GPR158: variants seen among roughly 807,000 people sequenced by gnomAD.
The protein encoded by GPR158 is G protein-coupled receptor 158.
Under a neutral mutation model 78.2 loss-of-function variants are expected in GPR158, and 30 were observed. That is an observed-to-expected ratio of 0.38 (90% CI 0.29 to 0.52). GPR158 has a LOEUF of 0.52. Ranked by LOEUF, GPR158 falls within the 20% of genes least tolerant of loss-of-function variation. GPR158 has a pLI of 0.83. For synonymous variants in GPR158, 581 were observed against 591.1 expected (o/e 0.98, Z 0.25); for missense variants, 1,463 against 1,523.5 (o/e 0.96, Z 0.66).
At chr10:25,368,670 T>C (rs886936068) in intron 2 of GPR158, among the ~76,000 whole-genome samples, 12 of 151,862 alleles carry the variant, frequency 7.9e-5, no homozygotes, top group African/African-American at 2.7e-4. Flanking sequence ...TGGAAAGCAG[T>C]GTGGTGATTC....
intron 2 of GPR158, among the ~76,000 whole-genome samples, chr10:25,387,441 G>A (rs1258265258): frequency 6.6e-6 from 1 of 151,896 alleles, no homozygotes; most frequent in Non-Finnish European, 1.5e-5. Flanking sequence ...TTTTCCAAGA[G>A]TATACTTATC....
intron 4 of GPR158, among the ~76,000 whole-genome samples, chr10:25,428,842 A>G (rs1003029358): frequency 6.6e-6 from 1 of 152,100 alleles, no homozygotes; most frequent in African/African-American, 2.4e-5. Flanking sequence ...GTTTATTTTC[A>G]TGCAGTAAAT....
rs374872262 is a variant in GPR158, at chr10:25,365,758, A to G, written c.1009-30153A>G. On this transcript the variant is annotated intron_variant, in intron 2 of 10. Transcript: ENST00000376351. ...GTAAATTTTATGTTTTTATTGACAT[A>G]TAAATGTTTCATAAAAGCACATAAT... Among the ~76,000 whole-genome samples, 105 of 151,700 alleles carry G rather than the reference A, an allele frequency of 6.9e-4. 2 individuals are homozygous for G. The highest frequency in any genetic ancestry group is 5.3e-4 in the Non-Finnish European group (36 of 67,740).
chr10:25,522,484 C>T (rs1319333680), intron 5 of GPR158, among the ~76,000 whole-genome samples: 13 of 152,128 alleles, frequency 8.5e-5, no homozygotes, highest in Admixed American at 6.6e-4. Context: ...ATCAAATTCT[C>T]TTTGGCTTTG....
At chr10:25,341,716 A>T (rs922956163) in intron 2 of GPR158, among the ~76,000 whole-genome samples, 7 of 151,886 alleles carry the variant, frequency 4.6e-5, no homozygotes, top group Non-Finnish European at 7.4e-5. Flanking sequence ...ATTATTTTTT[A>T]GTATTTTTTA....
intron 1 of GPR158, among the ~76,000 whole-genome samples, chr10:25,185,692 A>G (rs1852674632): frequency 6.6e-6 from 1 of 152,024 alleles, no homozygotes; most frequent in African/African-American, 2.4e-5. Flanking sequence ...GCGTGGTGGC[A>G]GGCGCCTGTA....
At chr10:25,465,290 A>T (rs767575842) in intron 4 of GPR158, among the ~76,000 whole-genome samples, 8 of 152,208 alleles carry the variant, frequency 5.3e-5, no homozygotes, top group Non-Finnish European at 7.3e-5. Context: ...TATTATATTT[A>T]GTGAAAACAC....
At chr10:25,494,922 A>T (rs967677730) in intron 5 of GPR158, among the ~76,000 whole-genome samples, 2 of 152,176 alleles carry the variant, frequency 1.3e-5, no homozygotes, top group African/African-American at 4.8e-5. Context: ...AACAACCCAA[A>T]TGTTCACCAA....
intron 7 of GPR158, among the ~76,000 whole-genome samples, chr10:25,574,300 T>G (rs1837058217): frequency 6.6e-6 from 1 of 152,088 alleles, no homozygotes; most frequent in Non-Finnish European, 1.5e-5. Context: ...AAGAGGATCA[T>G]ATTTGTGATT....
chr10:25,433,547 T>TGTGTTG (rs67750453), intron 4 of GPR158, among the ~76,000 whole-genome samples: 5 of 96,454 alleles, frequency 5.2e-5, no homozygotes, highest in Non-Finnish European at 8.4e-5. Flanking sequence ...TGTGTGTGTG[T>TGTGTTG]TGTGTGTGTG....
At chr10:25,257,810 A>G (rs1164139501) in intron 2 of GPR158, among the ~76,000 whole-genome samples, 1 of 152,168 alleles carries the variant, frequency 6.6e-6, no homozygotes, top group African/African-American at 2.4e-5. Flanking sequence ...TCATATGAAT[A>G]TATCACTTAC....
At chr10:25,188,996 AAG>A (rs1852730777) in intron 1 of GPR158, among the ~76,000 whole-genome samples, 1 of 152,216 alleles carries the variant, frequency 6.6e-6, no homozygotes, top group Non-Finnish European at 1.5e-5. Flanking sequence ...CCCTTCTCAA[AAG>A]AAGACATCTA....
intron 2 of GPR158, among the ~76,000 whole-genome samples, chr10:25,285,617 G>GT (rs1450674906): frequency 6.6e-6 from 1 of 152,048 alleles, no homozygotes; most frequent in Non-Finnish European, 1.5e-5. Context: ...TCCTTTGTTT[G>GT]TTTTTTTCCC....
chr10:25,425,646 T>G (rs1376427175), intron 4 of GPR158, among the ~76,000 whole-genome samples: 2 of 152,000 alleles, frequency 1.3e-5, no homozygotes, highest in East Asian at 3.9e-4. Context: ...CGACCTGTGC[T>G]TCTGACGAAA....
chr10:25,241,177 CTTTCTTTCTTTCCTTT>C (rs1215022503), intron 2 of GPR158, among the ~76,000 whole-genome samples: 6,205 of 84,216 alleles, frequency 0.074, 332 homozygotes, highest in East Asian at 0.17. Flanking sequence ...TTCTTTCTTT[CTTTCTTTCTTTCCTTT>C]CTTTCTTTCC....
At chr10:25,201,761 T>C (rs1279656182) in intron 1 of GPR158, among the ~76,000 whole-genome samples, 2 of 152,184 alleles carry the variant, frequency 1.3e-5, no homozygotes, top group Admixed American at 6.6e-5. Flanking sequence ...ATTCTGTTTA[T>C]ATGGTGAATC....
At chr10:25,354,935 G>A (rs569511059) in intron 2 of GPR158, among the ~76,000 whole-genome samples, 210 of 152,080 alleles carry the variant, frequency 1.4e-3, no homozygotes, top group African/African-American at 4.9e-3. Flanking sequence ...CAGACATATT[G>A]GAACTCCTTT....
chr10:25,183,886 A>G (rs1041745399), intron 1 of GPR158, among the ~76,000 whole-genome samples: 4 of 152,248 alleles, frequency 2.6e-5, no homozygotes, highest in African/African-American at 9.6e-5. Context: ...GTAAAGAATT[A>G]TATTGTATCA....
rs567797071 is a variant in GPR158 at position 25,479,801 on chromosome 10, T to A, written c.1404+13082T>A. Among the ~76,000 whole-genome samples the A allele has an allele frequency of 6.6e-5, 10 of 152,284 alleles. No individual in the cohort carries two copies. The East Asian group carries it at 1.2e-3, about 18-fold the overall frequency. The stretch of plus-strand genomic sequence containing the variant: ...TAAGACCCCTTTTATTTCTAGATTT[T>A]AAAAAAATTATCTTTATTTTTTTCT... On this transcript the variant is annotated intron_variant, in intron 5 of 10. Transcript: ENST00000376351.
Sources: allele counts gnomAD v4.1 joint callset (sites outside exome capture counted in the v4.1 genomes callset), GRCh38; gene constraint gnomAD v4.1.1; transcripts MANE v1.5; gene names NCBI Gene and HGNC (gene_info 2026-07-23, HGNC 2026-07-21).